The following ARHGEF6 variants were observed in gnomAD, a reference collection of about 807,000 sequenced individuals.
ARHGEF6 encodes the protein rho guanine nucleotide exchange factor 6.
A neutral mutation model predicts 70.3 loss-of-function variants in ARHGEF6; 9 were observed. That is an observed-to-expected ratio of 0.13 (90% CI 0.08 to 0.22). The LOEUF is 0.22. ARHGEF6 is among the 10% of genes least tolerant of loss of function. The probability of loss-of-function intolerance (pLI) is 1.00; values close to 1 mark genes in which losing one functional copy is unlikely to be tolerated. For synonymous variants in ARHGEF6, 201 were observed against 207.8 expected (o/e 0.97, Z 0.28); for missense variants, 470 against 563.0 (o/e 0.83, Z 1.67).
At chrX:136,727,629 G>C (rs2281665) in intron 6 of ARHGEF6, among the ~76,000 whole-genome samples, 11,238 of 106,901 alleles carry the variant, frequency 0.11, 555 homozygotes, top group South Asian at 0.21. Context: ...CGCCTCCCAG[G>C]TTCAAGCAAT....
chrX:136,769,495 T>A (rs946946599), intron 2 of ARHGEF6, among the ~76,000 whole-genome samples: 1 of 111,456 alleles, frequency 9.0e-6, no homozygotes, highest in Non-Finnish European at 1.9e-5. Context: ...GGCAATGGGT[T>A]GGTAGTAATG....
chrX:136,732,275 ATCAATGGAAATGTACAT>A, intron 5 of ARHGEF6, 103 bp from the exon 6 acceptor site: 1 of 613,505 alleles, frequency 1.6e-6, no homozygotes, highest in Non-Finnish European at 2.7e-6. Context: ...CAGTGGAAGG[ATCAATGGAAATGTACAT>A]TCCTAAACAA....
chrX:136,708,807 T>C, intron 7 of ARHGEF6, 37 bp from the exon 8 acceptor site: 1 of 1,030,372 alleles, frequency 9.7e-7, no homozygotes. Context: ...TTATCTATTG[T>C]AGTCTAGTTG....
At chrX:136,777,667 TTTGCAA>T (rs2077416769) in intron 2 of ARHGEF6, among the ~76,000 whole-genome samples, 1 of 110,535 alleles carries the variant, frequency 9.0e-6, no homozygotes, top group Non-Finnish European at 1.9e-5. Flanking sequence ...AGTAGCACAA[TTTGCAA>T]TTGCAAAGTT....
intron 6 of ARHGEF6, among the ~76,000 whole-genome samples, chrX:136,714,172 T>C (rs1205626996): frequency 4.5e-5 from 5 of 111,939 alleles, no homozygotes; most frequent in African/African-American, 1.3e-4. Flanking sequence ...ATTAGAATCC[T>C]ATAGGCAAAA....
chrX:136,764,550 G>A (rs1390670618), intron 2 of ARHGEF6, among the ~76,000 whole-genome samples: 2 of 111,747 alleles, frequency 1.8e-5, no homozygotes, highest in Non-Finnish European at 1.9e-5. Context: ...GTATGAGTCC[G>A]CTCATATAGA....
At chrX:136,695,864 T>TG (rs2076504303) in intron 9 of ARHGEF6, among the ~76,000 whole-genome samples, 1 of 112,310 alleles carries the variant, frequency 8.9e-6, no homozygotes, top group South Asian at 3.7e-4. Context: ...ATCTATAATT[T>TG]GTTTCTTAAG....
chrX:136,732,231 T>C, intron 5 of ARHGEF6, 59 bp from the exon 6 acceptor site: 1 of 891,090 alleles, frequency 1.1e-6, no homozygotes, highest in Non-Finnish European at 1.6e-6. Flanking sequence ...GAACATTTTA[T>C]AACATGGGTC....
chrX:136,764,575 G>A (rs1468816025), intron 2 of ARHGEF6, among the ~76,000 whole-genome samples: 1 of 111,371 alleles, frequency 9.0e-6, no homozygotes, highest in African/African-American at 3.3e-5. Flanking sequence ...CAAAACAGGT[G>A]GGAAGGCAGG....
rs752414713 is a variant in ARHGEF6, at chrX:136,715,260, C to T, written c.733-1890G>A. 1.3e-3 allele frequency among the ~76,000 whole-genome samples: 139 copies of T among 110,441 alleles called. 1 individual carries two copies. The highest frequency in any genetic ancestry group is 2.1e-4 in the Non-Finnish European group (11 of 52,858). ...TATTCCCCTCTATAGAAAGTCCAAGCGCGAGAATGGAAATTAGAAACTACT... is the reference window on the plus strand; with the variant it reads ...TATTCCCCTCTATAGAAAGTCCAAGTGCGAGAATGGAAATTAGAAACTACT... On this transcript the variant is annotated intron_variant, in intron 6 of 21. Coordinates refer to ENST00000250617, the MANE Select transcript of ARHGEF6 (RefSeq NM_004840.3).
chrX:136,715,040 C>T (rs1340276993), intron 6 of ARHGEF6, among the ~76,000 whole-genome samples: 1 of 111,770 alleles, frequency 8.9e-6, no homozygotes, highest in Non-Finnish European at 1.9e-5. Flanking sequence ...CAATATTGCC[C>T]CCAGTTGAGA....
chrX:136,776,876 T>C (rs1381335602), intron 2 of ARHGEF6, among the ~76,000 whole-genome samples: 5 of 87,149 alleles, frequency 5.7e-5, no homozygotes, highest in Non-Finnish European at 1.1e-4. Flanking sequence ...AATAAATAAA[T>C]AGATAAATAA....
intron 18 of ARHGEF6, among the ~76,000 whole-genome samples, chrX:136,675,735 T>C: frequency 9.1e-6 from 1 of 110,221 alleles, no homozygotes; most frequent in Middle Eastern, 4.6e-3. Context: ...TTAGCCAGGA[T>C]GGTCTCGATC....
Position 136,685,752 on chromosome X carries a change from C to G in ARHGEF6, c.1317G>C (p.Trp439Cys), listed in dbSNP as rs1302402182. The change falls in exon 12 of 22, where the codon TGG (tryptophan) becomes TGC (cysteine). Residue 439 changes from tryptophan (W) to cysteine (C), a missense_variant. Around this residue, in one of 3 missense-constraint regions of ARHGEF6, gnomAD observed 379 missense variants for 449.3 expected, o/e 0.84. Coordinates refer to ENST00000250617, the MANE Select transcript of ARHGEF6 (RefSeq NM_004840.3). ...LQILSEPIQA[W>C]EGEDIKNLGN... ...CCAAGTTTTTAATATCTTCTCCTTC[C>G]CATGCCTGAATAGGTTCGGACAGTA... The G allele has an allele frequency of 1.7e-6, 2 of 1,209,294 alleles. No homozygotes were observed. Among genetic ancestry groups the G allele is most frequent in the African/African-American group, 3.5e-5 (2 of 57,144 alleles).
At chrX:136,720,693 T>C (rs2076787376) in intron 6 of ARHGEF6, among the ~76,000 whole-genome samples, 1 of 111,373 alleles carries the variant, frequency 9.0e-6, no homozygotes, top group Non-Finnish European at 1.9e-5. Context: ...GGTATACACA[T>C]TGGGAAGGAA....
chrX:136,780,672 C>T, intron 1 of ARHGEF6, 46 bp downstream of exon 1: 1 of 1,111,780 alleles, frequency 9.0e-7, no homozygotes. Context: ...ATGATTGCTG[C>T]TCTCTGGTGA....
chrX:136,779,420 T>C lies in ARHGEF6; in HGVS notation c.243A>G (p.Gln81=). ...NDFLKGCATL[Q]VEIFDPDDLY... is the part of the protein sequence containing the mutation. ...GCACCCGGGGTAGGCTTACTTCCACTTGGAGGGTTGCACATCCTTTCAGGA... is the reference window on the plus strand; with the variant it reads ...GCACCCGGGGTAGGCTTACTTCCACCTGGAGGGTTGCACATCCTTTCAGGA... The change falls in exon 2 of 22, where the codon CAA becomes CAG. Residue 81 remains glutamine, a synonymous_variant. Coordinates refer to ENST00000250617, the MANE Select transcript of ARHGEF6 (RefSeq NM_004840.3). 8.3e-7 allele frequency: 1 copy of C among 1,209,999 alleles called. No homozygotes were observed. The highest frequency in any genetic ancestry group is 1.1e-6 in the Non-Finnish European group (1 of 894,199).
At chrX:136,740,764 G>A (rs1385867275) in intron 5 of ARHGEF6, among the ~76,000 whole-genome samples, 4 of 111,790 alleles carry the variant, frequency 3.6e-5, no homozygotes, top group East Asian at 2.8e-4. Context: ...AGGTCCCCTC[G>A]CAGTGCTTGG....
chrX:136,679,582 G>A lies in ARHGEF6; in HGVS notation c.1783C>T (p.Arg595Ter), dbSNP rs1303897499. Residue 595 changes from arginine to a stop codon, truncating the protein, a stop_gained, in exon 16 of 22, where the codon CGA (arginine) becomes TGA (stop). Transcript: ENST00000250617. LOFTEE classifies it high-confidence loss of function. ...GATGGTCTAAGTGGAGGTGCAGGTC[G>A]TAGACAACTTAAACTCCACGGTTTT... ...IIKPWSLSCL[R>*]PAPPLRPSAA... is the part of the protein sequence containing the mutation. 1 of 1,209,274 alleles carries A rather than the reference G, an allele frequency of 8.3e-7. No homozygotes were observed. Among genetic ancestry groups the A allele is most frequent in the Non-Finnish European group, 1.1e-6 (1 of 894,472 alleles).
Sources: gnomAD v4.1 joint callset for allele counts (sites outside exome capture counted in the v4.1 genomes callset) on GRCh38, gnomAD v4.1.1 for gene constraint, gnomAD v4.1.1 regional missense constraint, MANE v1.5 for transcripts, NCBI Gene and HGNC (gene_info 2026-07-23, HGNC 2026-07-21) for gene names.